The following NDUFS1 variants were observed in gnomAD, a reference collection of about 807,000 sequenced individuals.
NDUFS1 encodes the protein NADH:ubiquinone oxidoreductase core subunit S1.
Under a neutral mutation model 84.4 loss-of-function variants are expected in NDUFS1, and 61 were observed. The observed-to-expected ratio is 0.72, with a 90% CI of 0.59 to 0.89. NDUFS1 has a LOEUF of 0.89. Ranked by LOEUF, NDUFS1 falls within the 40% of genes least tolerant of loss-of-function variation. The probability of loss-of-function intolerance (pLI) is 0.00; values close to 1 mark genes in which losing one functional copy is unlikely to be tolerated. For missense variants in NDUFS1, 891 were observed against 890.0 expected (o/e 1.00, Z -0.01); for synonymous variants, 275 against 290.0 (o/e 0.95, Z 0.53).
At chr2:206,150,323 T>C (rs914988796) in intron 3 of NDUFS1, among the ~76,000 whole-genome samples, 7 of 152,208 alleles carry the variant, frequency 4.6e-5, no homozygotes, top group African/African-American at 1.7e-4. Flanking sequence ...ATTATCTAGC[T>C]GGCTATCTGT....
In NDUFS1 at chr2:206,141,990, T is replaced by C; in HGVS notation, c.1213A>G (p.Thr405Ala). 2 of 1,611,304 alleles carry C rather than the reference T, an allele frequency of 1.2e-6. No homozygotes were observed. The highest frequency in any genetic ancestry group is 1.7e-6 in the Non-Finnish European group (2 of 1,177,470). Reference protein sequence around the residue: ...EEADVVLLVGTNPRFEAPLFN... With the variant: ...EEADVVLLVGANPRFEAPLFN... ...AGTGGTGCCTCAAAACGTGGGTTTG[T>C]ACCAACCAGAAGAACAACATCTGCC... The change falls in exon 12 of 19, where the codon ACA (threonine) becomes GCA (alanine). Residue 405 changes from threonine to alanine, a missense_variant. Physicochemically the swap from Thr to Ala is moderately conservative, Grantham distance 58. Transcript: ENST00000233190.
rs192493611 is a variant in NDUFS1, at chr2:206,115,898, C to G, written c.*8287G>C. Reference sequence around the variant, plus strand: ...GAATACTAGAGCCTAGTCTAAAAATCATAGGATGTTGTGAAAAAGACACAT... The same window carrying G: ...GAATACTAGAGCCTAGTCTAAAAATGATAGGATGTTGTGAAAAAGACACAT... On this transcript the variant is annotated 3_prime_UTR_variant, in exon 19 of 19. Transcript: ENST00000233190. 403 of 581,346 alleles carry G rather than the reference C, an allele frequency of 6.9e-4. 1 individual carries two copies. Among genetic ancestry groups the G allele is most frequent in the African/African-American group, 6.7e-3 (360 of 53,592 alleles). The allele number at this position is 581,346 out of a possible 1,614,324, so 36.0% of individuals were successfully genotyped here. A position where few individuals can be genotyped will look rare whatever the true frequency, so the allele number is the denominator to read the frequency against.
In NDUFS1 at chr2:206,133,007, T is replaced by C. The variant is rs1559047307; in HGVS notation, c.1491A>G (p.Ala497=). ...CACCACTAGTCATCCGAATCTTTTG[T>C]GCAATGCTAGAAACAGCTGCAAGAA... is the stretch of plus-strand genomic sequence containing the variant. ...AAILAAVSSI[A]QKIRMTSGVT... The change falls in exon 14 of 19, where the codon GCA becomes GCG. Residue 497 remains alanine (A), a synonymous_variant. Transcript: ENST00000233190. 1 of 1,613,972 alleles carries C rather than the reference T, an allele frequency of 6.2e-7. No individual in the cohort carries two copies. Among genetic ancestry groups the C allele is most frequent in the African/African-American group, 1.3e-5 (1 of 75,050 alleles).
In NDUFS1 at chr2:206,154,870, A is replaced by G. The variant is rs1478056287; in HGVS notation, c.-4-1188T>C. On this transcript the variant is annotated intron_variant, in intron 1 of 18. Transcript: ENST00000233190. Reference sequence around the variant, plus strand: ...GAACTCCTGACTTCATGATCCGCCCACCTTGACCTCCCAAAGTGTTGGGGT... The same window carrying G: ...GAACTCCTGACTTCATGATCCGCCCGCCTTGACCTCCCAAAGTGTTGGGGT... Among the ~76,000 whole-genome samples, 3 of 142,786 alleles carry G rather than the reference A, an allele frequency of 2.1e-5. No homozygotes were observed. The East Asian group carries it at 6.3e-4, about 30-fold the overall frequency. 93.7% of individuals were successfully genotyped at this position (142,786 alleles called of 152,430 possible). A position where few individuals can be genotyped will look rare whatever the true frequency, so the allele number is the denominator to read the frequency against.
rs931723608 is a variant in NDUFS1 at position 206,117,780 on chromosome 2, C to G, written c.*6405G>C. ...AGGCATCAGAAGAGCTGATCCAAACCCAAGATCTGCCCCTAACTTGCCTCT... is the reference window on the plus strand; with the variant it reads ...AGGCATCAGAAGAGCTGATCCAAACGCAAGATCTGCCCCTAACTTGCCTCT... On this transcript the variant is annotated 3_prime_UTR_variant, in exon 19 of 19. Coordinates refer to ENST00000233190, the MANE Select transcript of NDUFS1 (RefSeq NM_005006.7). 6.6e-6 allele frequency: 1 copy of G among 152,190 alleles called. No homozygotes were observed. Among genetic ancestry groups the G allele is most frequent in the African/African-American group, 2.4e-5 (1 of 41,442 alleles). The allele number at this position is 152,190 out of a possible 1,614,324, so 9.4% of individuals were successfully genotyped here.
chr2:206,149,822 G>C lies in NDUFS1; in HGVS notation c.257C>G (p.Pro86Arg). 1 of 1,610,616 alleles carries C rather than the reference G, an allele frequency of 6.2e-7. No individual in the cohort carries two copies. Residue 86 changes from proline (P) to arginine (R), a missense_variant, in exon 4 of 19, where the codon CCT becomes CGT. By Grantham distance (103) the Pro-to-Arg change is moderately radical. Coordinates refer to ENST00000233190, the MANE Select transcript of NDUFS1 (RefSeq NM_005006.7). ...AGAATTTTAGGTATCAAGTACCTTA[G>C]GGGCTTTCTCAATTTCAACAAGGCA... The part of the protein sequence containing the change: ...RMCLVEIEKA[P>R]KVVAACAMPV...
In NDUFS1 at chr2:206,117,980, C is replaced by T. The variant is rs1690997007; in HGVS notation, c.*6205G>A. On this transcript the variant is annotated 3_prime_UTR_variant, in exon 19 of 19. Coordinates refer to ENST00000233190, the MANE Select transcript of NDUFS1 (RefSeq NM_005006.7). ...TGTAAATTAATCACCAGTCTCAGAT[C>T]ATATATTTGCCATTTCCAACATATG... The T allele has an allele frequency of 2.6e-5, 4 of 152,256 alleles. No homozygotes were observed. In the South Asian group the frequency reaches 6.2e-4, roughly 24 times the overall value. The allele number at this position is 152,256 out of a possible 1,614,324, so 9.4% of individuals were successfully genotyped here.
In NDUFS1 at chr2:206,133,083, G is replaced by A. The variant is rs1448338752; in HGVS notation, c.1415C>T (p.Pro472Leu). 6.2e-6 allele frequency: 10 copies of A among 1,611,828 alleles called. No homozygotes were observed. Among genetic ancestry groups the A allele is most frequent in the Non-Finnish European group, 7.6e-6 (9 of 1,179,126 alleles). ...FSQVLKEAKKPMVVLGSSALQ... is the reference protein window; with the variant it reads ...FSQVLKEAKKLMVVLGSSALQ... ...TGCAGAACTGCCTAAAACCACCATT[G>A]GTTTTTTAGCTTCCTTTAGGACCTA... Residue 472 changes from proline (P) to leucine (L), a missense_variant, in exon 14 of 19, where the codon CCA becomes CTA. Coordinates refer to ENST00000233190, the MANE Select transcript of NDUFS1 (RefSeq NM_005006.7).
chr2:206,156,219 C>G (rs1200672310), intron 1 of NDUFS1, among the ~76,000 whole-genome samples: 2 of 146,746 alleles, frequency 1.4e-5, no homozygotes, highest in Non-Finnish European at 3.0e-5. Flanking sequence ...GCCAAGATCA[C>G]GCCACTGCAC....
chr2:206,125,950 TCTAA>T (rs1305127431), intron 18 of NDUFS1, among the ~76,000 whole-genome samples: 3 of 152,194 alleles, frequency 2.0e-5, no homozygotes, highest in African/African-American at 2.4e-5. Flanking sequence ...ATCTTTATTA[TCTAA>T]CTAAAATACT....
rs1260183814 is a variant in NDUFS1 at position 206,145,005 on chromosome 2, T to C, written c.759A>G (p.Val253=). 1 of 1,614,016 alleles carries C rather than the reference T, an allele frequency of 6.2e-7. No individual in the cohort carries two copies. Among genetic ancestry groups the C allele is most frequent in the South Asian group, 1.1e-5 (1 of 91,046 alleles). Residue 253 remains valine (V), a synonymous_variant, in exon 9 of 19, where the codon GTA becomes GTG. Coordinates refer to ENST00000233190, the MANE Select transcript of NDUFS1 (RefSeq NM_005006.7). The stretch of plus-strand genomic sequence containing the variant: ...CAATATTACTTCCAACCGCATCCAT[T>C]ACATCAATGGATTCTGTCTTTCTGA... ...WETRKTESID[V]MDAVGSNIVV...
At position 206,123,866 on chromosome 2, in the gene NDUFS1, C is replaced by T; in HGVS notation, c.*319G>A. ...TAATTGAACCTCTTTTCATTTCATC[C>T]ATTTTACAGACAAATTATTTATGAA... On this transcript the variant is annotated 3_prime_UTR_variant, in exon 19 of 19. Transcript: ENST00000233190. 1 of 233,548 alleles carries T rather than the reference C, an allele frequency of 4.3e-6. No individual in the cohort carries two copies. The allele number at this position is 233,548 out of a possible 1,614,324, so 14.5% of individuals were successfully genotyped here. A position where few individuals can be genotyped will look rare whatever the true frequency, so the allele number is the denominator to read the frequency against.
chr2:206,137,257 C>G (rs901203998), intron 13 of NDUFS1, among the ~76,000 whole-genome samples: 2 of 151,986 alleles, frequency 1.3e-5, no homozygotes, highest in East Asian at 3.9e-4. Flanking sequence ...GAGTGGACCA[C>G]AAAGTCAGGA....
At chr2:206,151,651 A>G (rs1575994695) in intron 3 of NDUFS1, among the ~76,000 whole-genome samples, 1 of 152,198 alleles carries the variant, frequency 6.6e-6, no homozygotes, top group Admixed American at 6.5e-5. Flanking sequence ...CTCTATGACC[A>G]ATTTATTATT....
intron 16 of NDUFS1, 92 bp downstream of exon 16, chr2:206,127,705 G>C: frequency 3.1e-6 from 4 of 1,304,424 alleles, no homozygotes; most frequent in East Asian, 2.3e-5. Context: ...TTTCAGACTG[G>C]CATCTTCCTT....
intron 16 of NDUFS1, 41 bp downstream of exon 16, chr2:206,127,756 G>A: frequency 6.3e-7 from 1 of 1,592,060 alleles, no homozygotes; most frequent in Non-Finnish European, 8.6e-7. Context: ...TATCAAATAT[G>A]CCTTTAGTAG....
At chr2:206,147,509 A>C in intron 7 of NDUFS1, 22 bp downstream of exon 7, 1 of 1,596,914 alleles carries the variant, frequency 6.3e-7, no homozygotes, top group Non-Finnish European at 8.6e-7. Context: ...TCTATAATAG[A>C]AAAAAAAGGA....
chr2:206,146,765 AT>A lies in NDUFS1; in HGVS notation c.737+137del. 3.9e-6 allele frequency: 3 copies of A among 766,408 alleles called. No individual in the cohort carries two copies. In the South Asian group the frequency reaches 5.4e-5, roughly 14 times the overall value. 47.5% of individuals were successfully genotyped at this position (766,408 alleles called of 1,614,324 possible). A position where few individuals can be genotyped will look rare whatever the true frequency, so the allele number is the denominator to read the frequency against. ...AATCCATTCTAACTACTTACCTTCT[AT>A]TTAAAGGGTTTTACATAAACAAACA... On this transcript the variant is annotated intron_variant, in intron 8 of 18. Transcript: ENST00000233190.
At chr2:206,128,581 C>T (rs1016769435) in intron 15 of NDUFS1, among the ~76,000 whole-genome samples, 3 of 151,704 alleles carry the variant, frequency 2.0e-5, no homozygotes, top group Non-Finnish European at 4.4e-5. Context: ...AGTTTGTGTC[C>T]AGCCTGGCCA....
Sources: allele counts gnomAD v4.1 joint callset (sites outside exome capture counted in the v4.1 genomes callset), GRCh38; gene constraint gnomAD v4.1.1; transcripts MANE v1.5; gene names NCBI Gene and HGNC (gene_info 2026-07-23, HGNC 2026-07-21).